The following ZNF750 variants were observed in gnomAD, a reference collection of about 807,000 sequenced individuals.
The protein encoded by ZNF750 is protein ZNF750.
ZNF750 carries 10 observed loss-of-function variants against 31.6 expected under a neutral mutation model. The ratio of observed to expected loss-of-function variants is 0.32; its 90% CI spans 0.19 to 0.54. The LOEUF is 0.54. ZNF750 is among the 20% of genes least tolerant of loss of function. The pLI is 0.95. For missense variants in ZNF750, 914 were observed against 934.9 expected (o/e 0.98, Z 0.29); for synonymous variants, 400 against 404.9 (o/e 0.99, Z 0.15).
Position 82,830,696 on chromosome 17 carries a change from T to A in ZNF750, c.1618A>T (p.Thr540Ser). 7 of 1,613,508 alleles carry A rather than the reference T, an allele frequency of 4.3e-6. No individual in the cohort carries two copies. Among genetic ancestry groups the A allele is most frequent in the Non-Finnish European group, 5.9e-6 (7 of 1,179,900 alleles). The stretch of plus-strand genomic sequence containing the variant: ...TCCTGCAGCTCTGAGAAGCTGGCGG[T>A]TTCCGCCTGGGGGCTGCCTTGGTAC... Reference protein sequence around the residue: ...PTYQGSPQAETASFSELQDLP... With the variant: ...PTYQGSPQAESASFSELQDLP... The change falls in exon 3 of 3, where the codon ACC becomes TCC. Residue 540 changes from threonine to serine, a missense_variant. Physicochemically the swap from Thr to Ser is moderately conservative, Grantham distance 58. Coordinates refer to ENST00000269394, the MANE Select transcript of ZNF750 (RefSeq NM_024702.3).
Position 82,832,161 on chromosome 17 carries a change from G to A in ZNF750, c.294C>T (p.Phe98=), listed in dbSNP as rs778655860. 13 of 1,614,116 alleles carry A rather than the reference G, an allele frequency of 8.1e-6. No individual in the cohort carries two copies. The highest frequency in any genetic ancestry group is 4.5e-5 in the East Asian group (2 of 44,898). The change falls in exon 2 of 3, where the codon TTC becomes TTT. Residue 98 remains phenylalanine, a synonymous_variant. Transcript: ENST00000269394. The surrounding 1 kb of genome is among the most constrained non-coding windows in gnomAD (Gnocchi z 4.9). ...SKSVANGLSA[F]DSKLQHSSAR... is the part of the protein sequence containing the mutation. ...CAGAGCTGTGCTGAAGCTTCGAGTC[G>A]AAGGCAGAGAGTCCATTTGCGACAG...
At chr17:82,830,991 G>T in intron 2 of ZNF750, 28 bp downstream of exon 2, 1 of 1,613,768 alleles carries the variant, frequency 6.2e-7, no homozygotes, top group South Asian at 1.1e-5. Context: ...ACATTCCCTT[G>T]GAGGTTTTGA....
intron 1 of ZNF750, among the ~76,000 whole-genome samples, chr17:82,834,504 G>A (rs926322952): frequency 2.6e-5 from 4 of 152,086 alleles, no homozygotes; most frequent in African/African-American, 7.2e-5. Flanking sequence ...AAGAAAATGC[G>A]GCACATATAC....
Position 82,830,000 on chromosome 17 carries a change from T to G in ZNF750, c.*142A>C. 6 of 1,185,902 alleles carry G rather than the reference T, an allele frequency of 5.1e-6. No individual in the cohort carries two copies. The highest frequency in any genetic ancestry group is 6.8e-6 in the Non-Finnish European group (6 of 888,556). 73.5% of individuals were successfully genotyped at this position (1,185,902 alleles called of 1,614,324 possible). A position where few individuals can be genotyped will look rare whatever the true frequency, so the allele number is the denominator to read the frequency against. Reference sequence around the variant, plus strand: ...AAAAACTGAATTGGAGGGTTTTTTGTTTGTTTGTTTGTTTGTTTTTTTGAG... The same window carrying G: ...AAAAACTGAATTGGAGGGTTTTTTGGTTGTTTGTTTGTTTGTTTTTTTGAG... On this transcript the variant is annotated 3_prime_UTR_variant, in exon 3 of 3. Transcript: ENST00000269394.
rs1200552109 is a variant in ZNF750 at position 82,835,610 on chromosome 17, A to G, written c.-182-2974T>C. On this transcript the variant is annotated intron_variant, in intron 1 of 2. Coordinates refer to ENST00000269394, the MANE Select transcript of ZNF750 (RefSeq NM_024702.3). This position sits in a 1 kb window ranked among gnomAD's most constrained non-coding sequence, Gnocchi z 4.5. ...GCTAATTTTTTTGTAATTTTAGTAG[A>G]GATGGGGTTTCACTATGTTGGCCCG... Among the ~76,000 whole-genome samples, 3 of 151,962 alleles carry G rather than the reference A, an allele frequency of 2.0e-5. No homozygotes were observed. The highest frequency in any genetic ancestry group is 7.3e-5 in the African/African-American group (3 of 41,358).
intron 1 of ZNF750, among the ~76,000 whole-genome samples, chr17:82,834,977 C>T (rs2053844912): frequency 6.6e-6 from 1 of 152,088 alleles, no homozygotes; most frequent in South Asian, 2.1e-4. Flanking sequence ...GTGGGAGGAT[C>T]CCTTGAGCCC....
chr17:82,838,279 C>T (rs1328254923), intron 1 of ZNF750, among the ~76,000 whole-genome samples: 1 of 151,906 alleles, frequency 6.6e-6, no homozygotes, highest in Non-Finnish European at 1.5e-5. Flanking sequence ...AGTTGGGATG[C>T]TTAACAAGCT....
Position 82,832,505 on chromosome 17 carries a change from C to T in ZNF750, c.-51G>A, listed in dbSNP as rs550354678. 156 of 1,526,524 alleles carry T rather than the reference C, an allele frequency of 1.0e-4. No homozygotes were observed. In the South Asian group the frequency reaches 1.5e-3, roughly 14 times the overall value. 94.6% of individuals were successfully genotyped at this position (1,526,524 alleles called of 1,614,324 possible). A position where few individuals can be genotyped will look rare whatever the true frequency, so the allele number is the denominator to read the frequency against. On this transcript the variant is annotated 5_prime_UTR_variant, in exon 2 of 3. Coordinates refer to ENST00000269394, the MANE Select transcript of ZNF750 (RefSeq NM_024702.3). The surrounding 1 kb of genome is among the most constrained non-coding windows in gnomAD (Gnocchi z 4.9). The stretch of plus-strand genomic sequence containing the variant: ...GCTGTCCAGGTGGCGTGATCACTGT[C>T]GACGCCGCGTGCACTTCGTGGTTTC...
At position 82,831,689 on chromosome 17, in the gene ZNF750, A is replaced by C; in HGVS notation, c.766T>G (p.Tyr256Asp). The C allele has an allele frequency of 1.2e-6, 2 of 1,614,150 alleles. No homozygotes were observed. The highest frequency in any genetic ancestry group is 8.5e-7 in the Non-Finnish European group (1 of 1,180,024). Reference protein sequence around the residue: ...FYTEHGLATIYSPYLLAGSSP... With the variant: ...FYTEHGLATIDSPYLLAGSSP... ...CTCCCAGCCAGCAGGTAAGGCGAGTAGATGGTGGCCAGCCCGTGCTCTGTG... is the reference window on the plus strand; with the variant it reads ...CTCCCAGCCAGCAGGTAAGGCGAGTCGATGGTGGCCAGCCCGTGCTCTGTG... The change falls in exon 2 of 3, where the codon TAC becomes GAC. Residue 256 changes from tyrosine to aspartate, a missense_variant. This residue lies in a region of ZNF750 where 880 missense variants were observed against 868.9 expected (regional missense o/e 1.01). Coordinates refer to ENST00000269394, the MANE Select transcript of ZNF750 (RefSeq NM_024702.3). The surrounding 1 kb of genome is among the most constrained non-coding windows in gnomAD (Gnocchi z 4.6).
Position 82,832,393 on chromosome 17 carries a change from T to C in ZNF750, c.62A>G (p.Lys21Arg), listed in dbSNP as rs1192258179. The change falls in exon 2 of 3, where the codon AAG (lysine) becomes AGG (arginine). Residue 21 changes from lysine to arginine, a missense_variant. Transcript: ENST00000269394. The surrounding 1 kb of genome is among the most constrained non-coding windows in gnomAD (Gnocchi z 4.9). ...TTGGAAACATTTATACTTGAAGGGC[T>C]TTCCTGGAGGCCTGGGGATGTAATG... ...KPHYIPRPPG[K>R]PFKYKCFQCP... The C allele has an allele frequency of 6.2e-7, 1 of 1,614,258 alleles. No individual in the cohort carries two copies. The highest frequency in any genetic ancestry group is 8.5e-7 in the Non-Finnish European group (1 of 1,180,052).
rs1227658662 is a variant in ZNF750, at chr17:82,835,068, A to G, written c.-182-2432T>C. Among the ~76,000 whole-genome samples, 1 of 152,190 alleles carries G rather than the reference A, an allele frequency of 6.6e-6. No homozygotes were observed. The highest frequency in any genetic ancestry group is 1.5e-5 in the Non-Finnish European group (1 of 68,032). On this transcript the variant is annotated intron_variant, in intron 1 of 2. Coordinates refer to ENST00000269394, the MANE Select transcript of ZNF750 (RefSeq NM_024702.3). This position sits in a 1 kb window ranked among gnomAD's most constrained non-coding sequence, Gnocchi z 4.5. ...GCAACAGAATGAGACCCTGCCTCAA[A>G]AAAAAGCTAAATGGAAATGACTTAA...
rs562766257 is a variant in ZNF750, at chr17:82,835,647, A to G, written c.-182-3011T>C. Among the ~76,000 whole-genome samples the G allele has an allele frequency of 3.2e-4, 48 of 148,252 alleles. No individual in the cohort carries two copies. Among genetic ancestry groups the G allele is most frequent in the African/African-American group, 1.1e-3 (46 of 40,082 alleles). On this transcript the variant is annotated intron_variant, in intron 1 of 2. Transcript: ENST00000269394. This position sits in a 1 kb window ranked among gnomAD's most constrained non-coding sequence, Gnocchi z 4.5. Reference sequence around the variant, plus strand: ...ACTATGTTGGCCCGGCTGGTCTTGAACTCCTGACCTCAGGCGATCTGCCCG... The same window carrying G: ...ACTATGTTGGCCCGGCTGGTCTTGAGCTCCTGACCTCAGGCGATCTGCCCG...
rs1180710934 is a variant in ZNF750 at position 82,835,673 on chromosome 17, C to T, written c.-182-3037G>A. On this transcript the variant is annotated intron_variant, in intron 1 of 2. Transcript: ENST00000269394. The surrounding 1 kb of genome is among the most constrained non-coding windows in gnomAD (Gnocchi z 4.5). ...CTCCTGACCTCAGGCGATCTGCCCG[C>T]CTCAGCCTCCCAAAGTGCTGGGATT... is the stretch of plus-strand genomic sequence containing the variant. Among the ~76,000 whole-genome samples, 1 of 152,304 alleles carries T rather than the reference C, an allele frequency of 6.6e-6. No homozygotes were observed. The highest frequency in any genetic ancestry group is 1.9e-4 in the East Asian group (1 of 5,184).
At chr17:82,838,139 C>G (rs1288909916) in intron 1 of ZNF750, among the ~76,000 whole-genome samples, 1 of 152,222 alleles carries the variant, frequency 6.6e-6, no homozygotes, top group Non-Finnish European at 1.5e-5. Context: ...CCCACACAGA[C>G]AGTGCTTTGA....
At chr17:82,834,329 G>A (rs193291043) in intron 1 of ZNF750, among the ~76,000 whole-genome samples, 1 of 152,348 alleles carries the variant, frequency 6.6e-6, no homozygotes, top group East Asian at 1.9e-4. Context: ...GTGCCTGGGA[G>A]ACAGGGTGAG....
rs2053706159 is a variant in ZNF750, at chr17:82,833,643, C to T, written c.-182-1007G>A. On this transcript the variant is annotated intron_variant, in intron 1 of 2. Transcript: ENST00000269394. This position sits in a 1 kb window ranked among gnomAD's most constrained non-coding sequence, Gnocchi z 4.7. ...CCAGCAGCGCCTGCCCGTCCAGATG[C>T]ACCACCAAATGGAAGAACCAAAGCT... is the stretch of plus-strand genomic sequence containing the variant. Among the ~76,000 whole-genome samples the T allele has an allele frequency of 6.6e-6, 1 of 152,216 alleles. No individual in the cohort carries two copies. The highest frequency in any genetic ancestry group is 1.5e-5 in the Non-Finnish European group (1 of 68,046).
intron 1 of ZNF750, among the ~76,000 whole-genome samples, chr17:82,839,540 C>T (rs999205661): frequency 1.3e-5 from 2 of 152,158 alleles, no homozygotes; most frequent in African/African-American, 2.4e-5. Context: ...ACCCTAAATT[C>T]ACCCTAATGT....
Position 82,831,078 on chromosome 17 carries a change from C to G in ZNF750, c.1377G>C (p.Lys459Asn). ...GGGCAGGTAGGCATTCTGTGCTTTT[C>G]TTAACAGGCCTGAAGGCTGTGAGGC... ...EQSLTAFRPVKKSTECLPAQA... is the reference protein window; with the variant it reads ...EQSLTAFRPVNKSTECLPAQA... Residue 459 changes from lysine (K) to asparagine (N), a missense_variant, in exon 2 of 3, where the codon AAG becomes AAC. By Grantham distance (94) the Lys-to-Asn change is moderately conservative. This residue lies in a region of ZNF750 where 880 missense variants were observed against 868.9 expected (regional missense o/e 1.01). Transcript: ENST00000269394. The surrounding 1 kb of genome is among the most constrained non-coding windows in gnomAD (Gnocchi z 4.6). 8.7e-6 allele frequency: 14 copies of G among 1,614,030 alleles called. No homozygotes were observed. Among genetic ancestry groups the G allele is most frequent in the Non-Finnish European group, 1.2e-5 (14 of 1,180,044 alleles).
At chr17:82,838,816 C>T (rs577289193) in intron 1 of ZNF750, 1 of 985,360 alleles carries the variant, frequency 1.0e-6, no homozygotes, top group African/African-American at 1.7e-5. Flanking sequence ...GCAGGAGATC[C>T]CGAGTTACAG....
Sources: allele counts gnomAD v4.1 joint callset (sites outside exome capture counted in the v4.1 genomes callset), GRCh38; gene constraint gnomAD v4.1.1; regional missense constraint gnomAD v4.1.1; non-coding constraint Gnocchi (gnomAD v3.1); transcripts MANE v1.5; gene names NCBI Gene and HGNC (gene_info 2026-07-23, HGNC 2026-07-21).